PEX14: variants seen among roughly 807,000 people sequenced by gnomAD.
PEX14 encodes the protein peroxisomal membrane protein PEX14.
Under a neutral mutation model 49.5 loss-of-function variants are expected in PEX14, and 15 were observed. That is an observed-to-expected ratio of 0.30 (90% CI 0.20 to 0.47). The LOEUF (loss-of-function observed/expected upper bound fraction) is 0.47. Ranked by LOEUF, PEX14 falls within the 20% of genes least tolerant of loss-of-function variation. The pLI is 1.00. For missense variants in PEX14, 398 were observed against 494.8 expected (o/e 0.80, Z 1.86); for synonymous variants, 210 against 212.7 (o/e 0.99, Z 0.11).
At chr1:10,594,045 G>A (rs1167767436) in intron 3 of PEX14, among the ~76,000 whole-genome samples, 1 of 152,138 alleles carries the variant, frequency 6.6e-6, no homozygotes, top group Non-Finnish European at 1.5e-5. Flanking sequence ...TCGTCATTAC[G>A]TGTAATTTAT....
At chr1:10,562,493 T>G (rs1288342963) in intron 3 of PEX14, among the ~76,000 whole-genome samples, 1 of 152,208 alleles carries the variant, frequency 6.6e-6, no homozygotes, top group African/African-American at 2.4e-5. Flanking sequence ...CCTTGACATT[T>G]TTGTAGGATA....
chr1:10,496,576 C>T (rs961028850), intron 2 of PEX14, among the ~76,000 whole-genome samples: 5 of 152,104 alleles, frequency 3.3e-5, no homozygotes, highest in Non-Finnish European at 7.3e-5. Flanking sequence ...TTTTGATGTA[C>T]CCATTTAACT....
rs900843819 is a variant in PEX14, at chr1:10,514,661, A to G, written c.84+19340A>G. Among the ~76,000 whole-genome samples, 7 of 152,284 alleles carry G rather than the reference A, an allele frequency of 4.6e-5. No individual in the cohort carries two copies. The highest frequency in any genetic ancestry group is 1.4e-4 in the African/African-American group (6 of 41,562). On this transcript the variant is annotated intron_variant, in intron 2 of 8. Transcript: ENST00000356607. This position sits in a 1 kb window ranked among gnomAD's most constrained non-coding sequence, Gnocchi z 4.4. ...AGAAAGAGGGGTTATCTGCTGGGGA[A>G]ACTGGATTTCAAAAGAAAGAAGTTT...
Position 10,560,153 on chromosome 1 carries a change from G to A in PEX14, c.169+23856G>A, listed in dbSNP as rs571343106. 5.9e-5 allele frequency among the ~76,000 whole-genome samples: 9 copies of A among 152,122 alleles called. 1 individual carries two copies. Among genetic ancestry groups the A allele is most frequent in the Admixed American group, 5.9e-4 (9 of 15,282 alleles). On this transcript the variant is annotated intron_variant, in intron 3 of 8. Transcript: ENST00000356607. The stretch of plus-strand genomic sequence containing the variant: ...GCTCACTGCAATCTCTGCCTCCCGG[G>A]TTCAAGCAATTCTCCTGCCTCAGCC...
intron 2 of PEX14, among the ~76,000 whole-genome samples, chr1:10,513,834 C>T (rs913076183): frequency 6.6e-6 from 1 of 152,172 alleles, no homozygotes; most frequent in Non-Finnish European, 1.5e-5. Flanking sequence ...GGCCGTATTG[C>T]CGGGAGCTGT....
chr1:10,595,013 G>T (rs907986374), intron 3 of PEX14, among the ~76,000 whole-genome samples: 1 of 151,968 alleles, frequency 6.6e-6, no homozygotes, highest in Non-Finnish European at 1.5e-5. Context: ...TCAATAGGAT[G>T]TAGCTCACTT....
intron 3 of PEX14, among the ~76,000 whole-genome samples, chr1:10,571,776 TC>T (rs1159311152): frequency 6.6e-6 from 1 of 152,044 alleles, no homozygotes; most frequent in African/African-American, 2.4e-5. Context: ...GCCACTGCAC[TC>T]CAGCCCGGGC....
intron 3 of PEX14, among the ~76,000 whole-genome samples, chr1:10,538,116 G>A (rs7524983): frequency 0.08 from 12,254 of 152,240 alleles, 1,249 homozygotes; most frequent in African/African-American, 0.24. Flanking sequence ...GAAGGCAGAC[G>A]ATTAACAAAT....
chr1:10,505,393 C>T (rs922956786), intron 2 of PEX14, among the ~76,000 whole-genome samples: 3 of 152,138 alleles, frequency 2.0e-5, no homozygotes, highest in African/African-American at 7.2e-5. Flanking sequence ...TTGCATCAAC[C>T]CAGGAGATTG....
chr1:10,519,566 AT>A (rs1478934012), intron 2 of PEX14, among the ~76,000 whole-genome samples: 1 of 152,194 alleles, frequency 6.6e-6, no homozygotes, highest in African/African-American at 2.4e-5. Flanking sequence ...CAGGCTATGC[AT>A]TAGGTGCACT....
chr1:10,604,793 G>A (rs1030040843), intron 4 of PEX14, among the ~76,000 whole-genome samples: 1 of 152,062 alleles, frequency 6.6e-6, no homozygotes, highest in African/African-American at 2.4e-5. Flanking sequence ...CGACCTATTT[G>A]GCCATTTTAT....
chr1:10,524,246 G>A (rs750053209), intron 2 of PEX14, among the ~76,000 whole-genome samples: 41 of 152,242 alleles, frequency 2.7e-4, no homozygotes, highest in Non-Finnish European at 4.4e-5. Flanking sequence ...GATGAGGGAT[G>A]TTTCAGGAAG....
chr1:10,530,196 A>T (rs993444203), intron 2 of PEX14, among the ~76,000 whole-genome samples: 1 of 151,982 alleles, frequency 6.6e-6, no homozygotes, highest in Admixed American at 6.6e-5. Flanking sequence ...GAAAGAGTAC[A>T]AAAAAAATTC....
intron 1 of PEX14, among the ~76,000 whole-genome samples, chr1:10,475,681 G>T (rs536339042): frequency 6.6e-6 from 1 of 152,168 alleles, no homozygotes. Flanking sequence ...CCAATAAGGG[G>T]ACCATAAGGA....
intron 7 of PEX14, 42 bp from the exon 8 acceptor site, chr1:10,627,230 C>A: frequency 6.9e-7 from 1 of 1,446,256 alleles, no homozygotes; most frequent in Non-Finnish European, 9.7e-7. Context: ...CCGCCCGTGC[C>A]GCAAGGCGCC....
rs1222704888 is a variant in PEX14 at position 10,495,609 on chromosome 1, G to T, written c.84+288G>T. Among the ~76,000 whole-genome samples the T allele has an allele frequency of 6.6e-6, 1 of 152,150 alleles. No individual in the cohort carries two copies. The highest frequency in any genetic ancestry group is 6.5e-5 in the Admixed American group (1 of 15,272). Reference sequence around the variant, plus strand: ...CAATAGTAATTAGTGAGATTCCTGCGCCCGTGGGAGGCTGAGGTGGAGTGA... The same window carrying T: ...CAATAGTAATTAGTGAGATTCCTGCTCCCGTGGGAGGCTGAGGTGGAGTGA... On this transcript the variant is annotated intron_variant, in intron 2 of 8. Transcript: ENST00000356607. The surrounding 1 kb of genome is among the most constrained non-coding windows in gnomAD (Gnocchi z 4.2).
intron 2 of PEX14, among the ~76,000 whole-genome samples, chr1:10,530,425 G>A (rs796892102): frequency 2.0e-4 from 31 of 152,334 alleles, no homozygotes; most frequent in African/African-American, 6.7e-4. Flanking sequence ...CGGCCGCCCC[G>A]GCCTGCGCCT....
Position 10,475,019 on chromosome 1 carries a change from TG to T in PEX14, c.36+18del, listed in dbSNP as rs1303793593. ...CCGAGCCAGGTAAGGGGAGTGGGAC[TG>T]CCCCGCTGTGCGGCGGAGACCCCGG... On this transcript the variant is annotated intron_variant, in intron 1 of 8. Coordinates refer to ENST00000356607, the MANE Select transcript of PEX14 (RefSeq NM_004565.3). The T allele has an allele frequency of 6.2e-7, 1 of 1,604,712 alleles. No individual in the cohort carries two copies. The highest frequency in any genetic ancestry group is 8.5e-7 in the Non-Finnish European group (1 of 1,175,600).
chr1:10,596,826 A>C (rs1242425891), intron 3 of PEX14, among the ~76,000 whole-genome samples: 1 of 152,272 alleles, frequency 6.6e-6, no homozygotes, highest in Non-Finnish European at 1.5e-5. Context: ...TGCCTCTCCC[A>C]GAGAACCAGG....
Sources: allele counts gnomAD v4.1 joint callset (sites outside exome capture counted in the v4.1 genomes callset), GRCh38; gene constraint gnomAD v4.1.1; non-coding constraint Gnocchi (gnomAD v3.1); transcripts MANE v1.5; gene names NCBI Gene and HGNC (gene_info 2026-07-23, HGNC 2026-07-21).